Variants in POTEF observed in about 807,000 individuals in gnomAD.
POTEF encodes ANKRD26-like family C member 1B.
POTEF carries 20 observed loss-of-function variants against 83.2 expected under a neutral mutation model. The observed-to-expected ratio is 0.24, with a 90% CI of 0.17 to 0.35. POTEF has a LOEUF of 0.35. Among genes scored for constraint, POTEF ranks in the 10% least tolerant of loss-of-function variants. The pLI is 1.00. For synonymous variants in POTEF, 196 were observed against 446.4 expected (o/e 0.44, Z 7.07); for missense variants, 550 against 1,203.2 (o/e 0.46, Z 8.03).
chr2:130,101,046 G>A (rs1684358937), intron 9 of POTEF, among the ~76,000 whole-genome samples: 1 of 140,736 alleles, frequency 7.1e-6, no homozygotes, highest in South Asian at 2.2e-4. Context: ...AACTTAATTT[G>A]TTATGTGTTA....
intron 2 of POTEF, 25 bp downstream of exon 2, chr2:130,127,684 C>A: frequency 6.5e-6 from 1 of 152,784 alleles, no homozygotes; most frequent in South Asian, 1.8e-4. Context: ...TTCCTACCAC[C>A]TTGCCCCCGC....
intron 2 of POTEF, among the ~76,000 whole-genome samples, chr2:130,123,821 CA>C: frequency 7.4e-6 from 1 of 134,898 alleles, no homozygotes; most frequent in Non-Finnish European, 1.6e-5. Flanking sequence ...GTCAAGTCAG[CA>C]AAAATGATTC....
chr2:130,110,280 A>C (rs200048961), intron 7 of POTEF, among the ~76,000 whole-genome samples: 3 of 149,604 alleles, frequency 2.0e-5, no homozygotes, highest in African/African-American at 7.5e-5. Context: ...TAGGTGTTAC[A>C]CTTGGATCAA....
intron 3 of POTEF, among the ~76,000 whole-genome samples, chr2:130,117,648 T>G (rs1684875851): frequency 1.3e-5 from 2 of 152,106 alleles, no homozygotes; most frequent in South Asian, 4.1e-4. Flanking sequence ...TAGTTACATA[T>G]TAGTCCATCC....
intron 9 of POTEF, among the ~76,000 whole-genome samples, chr2:130,101,326 T>C (rs1160308211): frequency 1.3e-5 from 2 of 150,746 alleles, no homozygotes; most frequent in Non-Finnish European, 2.9e-5. Context: ...TCTGCTTAAG[T>C]CCAGTTCTAA....
Position 130,075,001 on chromosome 2 carries a change from A to G in POTEF, c.2471T>C (p.Phe824Ser), listed in dbSNP as rs370345043. Residue 824 changes from phenylalanine to serine, a missense_variant, in exon 17 of 17, where the codon TTT becomes TCT. Coordinates refer to ENST00000409914, the MANE Select transcript of POTEF (RefSeq NM_001099771.2). ...CATGGCTGGGGTGTTGAAGGTCTCA[A>G]ACATGATCTGGGTCATCTTCTCGCG... The part of the protein sequence containing the change: ...ANREKMTQIM[F>S]ETFNTPAMYV... 2.7e-5 allele frequency: 43 copies of G among 1,613,312 alleles called. 1 individual carries two copies. In the African/African-American group the frequency reaches 4.4e-4, roughly 17 times the overall value.
intron 5 of POTEF, among the ~76,000 whole-genome samples, chr2:130,114,171 A>C (rs1335059469): frequency 6.7e-6 from 1 of 149,792 alleles, no homozygotes; most frequent in African/African-American, 2.5e-5. Context: ...GGCCTCCTAA[A>C]ATTGATCTCT....
chr2:130,117,550 A>G (rs1684873526), intron 3 of POTEF, among the ~76,000 whole-genome samples: 1 of 152,070 alleles, frequency 6.6e-6, no homozygotes. Flanking sequence ...CTGTTCGTGT[A>G]TATGTGTAAC....
chr2:130,110,298 A>C (rs1415388921), intron 7 of POTEF, among the ~76,000 whole-genome samples: 1 of 150,154 alleles, frequency 6.7e-6, no homozygotes, highest in Non-Finnish European at 1.5e-5. Context: ...CAAATGAACA[A>C]TGCTGGGATC....
At chr2:130,080,256 G>A (rs1326348486) in intron 15 of POTEF, among the ~76,000 whole-genome samples, 14 of 115,282 alleles carry the variant, frequency 1.2e-4, no homozygotes, top group African/African-American at 3.8e-4. Context: ...AAATGATCTC[G>A]TAAATTTTCT....
intron 7 of POTEF, 98 bp from the exon 8 acceptor site, chr2:130,108,177 A>G: frequency 6.7e-7 from 1 of 1,484,178 alleles, no homozygotes. Flanking sequence ...AAACAATATC[A>G]GAATAACAGA....
At chr2:130,111,724 TA>T (rs1476839861) in intron 6 of POTEF, among the ~76,000 whole-genome samples, 16 of 144,712 alleles carry the variant, frequency 1.1e-4, no homozygotes, top group Non-Finnish European at 2.2e-4. Flanking sequence ...TTCATAAAAT[TA>T]ATATGAAATC....
chr2:130,113,520 TGTTGTC>T (rs1478801262), intron 5 of POTEF, among the ~76,000 whole-genome samples: 2 of 92,926 alleles, frequency 2.2e-5, no homozygotes, highest in East Asian at 3.1e-4. Flanking sequence ...AAATTGTTGT[TGTTGTC>T]GTTGTTGTTG....
rs376041561 is a variant in POTEF at position 130,075,113 on chromosome 2, G to C, written c.2359C>G (p.His787Asp). ...TNWDDMEKIW[H>D]HTFYNELRVA... ...CGCAGCTCGTTGTAGAAGGTGTGGTGCCAGATCTTCTCCATGTCATCCCAG... is the reference window on the plus strand; with the variant it reads ...CGCAGCTCGTTGTAGAAGGTGTGGTCCCAGATCTTCTCCATGTCATCCCAG... Residue 787 changes from histidine to aspartate, a missense_variant, in exon 17 of 17, where the codon CAC (histidine) becomes GAC (aspartate). Physicochemically the swap from His to Asp is moderately conservative, Grantham distance 81. Transcript: ENST00000409914. 2.4e-5 allele frequency: 38 copies of C among 1,613,724 alleles called. 1 individual carries two copies. In the African/African-American group the frequency reaches 4.8e-4, roughly 20 times the overall value.
intron 1 of POTEF, among the ~76,000 whole-genome samples, chr2:130,128,243 T>C (rs1685145737): frequency 4.0e-5 from 6 of 150,000 alleles, no homozygotes; most frequent in Admixed American, 4.0e-4. Flanking sequence ...TCCCAGGTGG[T>C]CTCCCCAACA....
intron 3 of POTEF, among the ~76,000 whole-genome samples, chr2:130,119,060 T>C (rs1573616150): frequency 6.6e-6 from 1 of 152,018 alleles, no homozygotes; most frequent in Non-Finnish European, 1.5e-5. Context: ...TACAAAAAAT[T>C]AATTTATCAC....
rs904557522 is a variant in POTEF, at chr2:130,101,598, A to T, written c.1197+512T>A. 1.6e-4 allele frequency among the ~76,000 whole-genome samples: 24 copies of T among 149,966 alleles called. 1 individual carries two copies. The highest frequency in any genetic ancestry group is 6.1e-4 in the African/African-American group (24 of 39,470). ...TTGGTATCAATGACTGACAATATAA[A>T]ACTGCAGATTTTCAATCACTGGCCA... On this transcript the variant is annotated intron_variant, in intron 9 of 16. Transcript: ENST00000409914.
At chr2:130,128,350 G>A (rs1685149340) in intron 1 of POTEF, among the ~76,000 whole-genome samples, 1 of 151,982 alleles carries the variant, frequency 6.6e-6, no homozygotes, top group African/African-American at 2.4e-5. Context: ...GAACTCTGGA[G>A]TCTGGAAAAG....
intron 7 of POTEF, chr2:130,109,222 A>G (rs183467080): frequency 6.7e-6 from 1 of 149,756 alleles, no homozygotes; most frequent in Non-Finnish European, 1.5e-5. Flanking sequence ...GGAATGCTTC[A>G]AAGATCTGTC....
Sources: allele counts gnomAD v4.1 joint callset (sites outside exome capture counted in the v4.1 genomes callset), GRCh38; gene constraint gnomAD v4.1.1; transcripts MANE v1.5; gene names NCBI Gene and HGNC (gene_info 2026-07-23, HGNC 2026-07-21).